SKOR2: variants seen among roughly 807,000 people sequenced by gnomAD.
SKOR2 encodes LBX1 corepressor 1-like protein.
Under a neutral mutation model 69.1 loss-of-function variants are expected in SKOR2, and 47 were observed. That is an observed-to-expected ratio of 0.68 (90% CI 0.54 to 0.87). The LOEUF (loss-of-function observed/expected upper bound fraction) is 0.87, where lower values mean the gene tolerates loss of function less well. SKOR2 is among the 40% of genes least tolerant of loss of function. SKOR2 has a pLI of 0.00. For missense variants in SKOR2, 1,404 were observed against 1,472.2 expected (o/e 0.95, Z 0.76); for synonymous variants, 717 against 672.6 (o/e 1.07, Z -1.02).
intron 4 of SKOR2, 141 bp downstream of exon 4, chr18:47,244,766 AT>A (rs2064263681): frequency 3.1e-6 from 2 of 643,434 alleles, no homozygotes; most frequent in South Asian, 5.3e-5. Flanking sequence ...CTGCTTCCCC[AT>A]TTGTGTTTTT....
chr18:47,218,589 C>CAAAAAAA (rs57860548), intron 7 of SKOR2, among the ~76,000 whole-genome samples: 1,043 of 88,144 alleles, frequency 0.012, 39 homozygotes, highest in African/African-American at 0.044. Context: ...GACCCTGTCT[C>CAAAAAAA]AAAAAAAAAA....
chr18:47,247,394 G>C lies in SKOR2; in HGVS notation c.1790C>G (p.Ser597Cys). ...AAAAGSGPAG[S>C]RVPAPHHPHL... ...CGGATGGTGGGGCGCCGGAACCCGG[G>C]AGCCCGCGGGGCCAGACCCGGCGGC... The change falls in exon 2 of 9, where the codon TCC becomes TGC. Residue 597 changes from serine to cysteine, a missense_variant. Physicochemically the swap from Ser to Cys is moderately radical, Grantham distance 112. Around this residue, in one of 3 missense-constraint regions of SKOR2, gnomAD observed 1,266 missense variants for 1,309.9 expected, o/e 0.97. Coordinates refer to ENST00000425639, the MANE Select transcript of SKOR2 (RefSeq NM_001278063.4). This position sits in a 1 kb window ranked among gnomAD's most constrained non-coding sequence, Gnocchi z 6.6. 2 of 1,384,822 alleles carry C rather than the reference G, an allele frequency of 1.4e-6. No homozygotes were observed. Among genetic ancestry groups the C allele is most frequent in the South Asian group, 3.2e-5 (2 of 63,070 alleles). The allele number at this position is 1,384,822 out of a possible 1,614,324, so 85.8% of individuals were successfully genotyped here.
chr18:47,230,334 G>T, intron 6 of SKOR2, 125 bp downstream of exon 6: 1 of 557,820 alleles, frequency 1.8e-6, no homozygotes, highest in Non-Finnish European at 2.7e-6. Context: ...GAATATTTAG[G>T]CAGACCATGG....
rs531383391 is a variant in SKOR2 at position 47,247,638 on chromosome 18, G to A, written c.1546C>T (p.Pro516Ser). ...LRQAFLDLAE[P>S]GGAAGSAEAA... ...TCGGCGCTCCCAGCAGCACCGCCTGGCTCAGCCAGGTCCAGGAAGGCCTGG... is the reference window on the plus strand; with the variant it reads ...TCGGCGCTCCCAGCAGCACCGCCTGACTCAGCCAGGTCCAGGAAGGCCTGG... The change falls in exon 2 of 9, where the codon CCA becomes TCA. Residue 516 changes from proline to serine, a missense_variant. Coordinates refer to ENST00000425639, the MANE Select transcript of SKOR2 (RefSeq NM_001278063.4). The surrounding 1 kb of genome is among the most constrained non-coding windows in gnomAD (Gnocchi z 6.6). The A allele has an allele frequency of 7.4e-7, 1 of 1,350,130 alleles. No homozygotes were observed. The allele number at this position is 1,350,130 out of a possible 1,614,324, so 83.6% of individuals were successfully genotyped here.
In SKOR2 at chr18:47,247,374, G is replaced by A; in HGVS notation, c.1810C>T (p.His604Tyr). Residue 604 changes from histidine (H) to tyrosine (Y), a missense_variant, in exon 2 of 9, where the codon CAT (histidine) becomes TAT (tyrosine). His to Tyr is a moderately conservative substitution (Grantham distance 83). This residue lies in a region of SKOR2 where 1,266 missense variants were observed against 1,309.9 expected (regional missense o/e 0.97). Transcript: ENST00000425639. This position sits in a 1 kb window ranked among gnomAD's most constrained non-coding sequence, Gnocchi z 6.6. ...TTGCGCCCCTCCAGAAGGTGCGGAT[G>A]GTGGGGCGCCGGAACCCGGGAGCCC... is the stretch of plus-strand genomic sequence containing the variant. Reference protein sequence around the residue: ...PAGSRVPAPHHPHLLEGRKAG... With the variant: ...PAGSRVPAPHYPHLLEGRKAG... 2 of 1,419,050 alleles carry A rather than the reference G, an allele frequency of 1.4e-6. No individual in the cohort carries two copies. Among genetic ancestry groups the A allele is most frequent in the East Asian group, 3.1e-5 (1 of 32,600 alleles). The allele number at this position is 1,419,050 out of a possible 1,614,324, so 87.9% of individuals were successfully genotyped here.
At chr18:47,231,296 G>C in intron 4 of SKOR2, 1 of 900,508 alleles carries the variant, frequency 1.1e-6, no homozygotes, top group Non-Finnish European at 1.7e-6. Flanking sequence ...TACAAGGAAG[G>C]AAATTGCTAG....
chr18:47,235,928 C>T (rs2064221383), intron 4 of SKOR2, among the ~76,000 whole-genome samples: 3 of 152,140 alleles, frequency 2.0e-5, no homozygotes. Context: ...AGACTCCATT[C>T]TAAAGTTCTC....
Position 47,247,539 on chromosome 18 carries a change from C to T in SKOR2, c.1645G>A (p.Gly549Arg), listed in dbSNP as rs913239603. The change falls in exon 2 of 9, where the codon GGG becomes AGG. Residue 549 changes from glycine to arginine, a missense_variant. By Grantham distance (125) the Gly-to-Arg change is moderately radical. Around this residue, in one of 3 missense-constraint regions of SKOR2, gnomAD observed 1,266 missense variants for 1,309.9 expected, o/e 0.97. Transcript: ENST00000425639. The surrounding 1 kb of genome is among the most constrained non-coding windows in gnomAD (Gnocchi z 6.6). ...AGCGCGTCGCGAGAGCCGGCGCCCC[C>T]GGCAGGAGGAGGTGGGCCGGAGCCC... ...GPGSGPPPPA[G>R]GAGSRDALFE... The T allele has an allele frequency of 4.1e-6, 5 of 1,218,294 alleles. No individual in the cohort carries two copies. The African/African-American group carries it at 4.7e-5, about 12-fold the overall frequency. The allele number at this position is 1,218,294 out of a possible 1,614,324, so 75.5% of individuals were successfully genotyped here.
At chr18:47,237,519 C>T (rs72913187) in intron 4 of SKOR2, among the ~76,000 whole-genome samples, 1,867 of 152,284 alleles carry the variant, frequency 0.012, 25 homozygotes, top group Non-Finnish European at 0.019. Flanking sequence ...AAGCTGAACT[C>T]TGAATTCAAT....
At chr18:47,238,362 A>G (rs1217533285) in intron 4 of SKOR2, among the ~76,000 whole-genome samples, 2 of 123,104 alleles carry the variant, frequency 1.6e-5, no homozygotes, top group African/African-American at 6.4e-5. Context: ...TTGCTCTGTC[A>G]CCCAGGCTGG....
intron 6 of SKOR2, among the ~76,000 whole-genome samples, chr18:47,227,670 C>T (rs1362684806): frequency 2.0e-5 from 3 of 152,308 alleles, no homozygotes; most frequent in Admixed American, 6.5e-5. Flanking sequence ...AAATGCTTTT[C>T]TAGAGCTCAG....
In SKOR2 at chr18:47,248,998, C is replaced by T; in HGVS notation, c.186G>A (p.Leu62=). 1 of 1,557,598 alleles carries T rather than the reference C, an allele frequency of 6.4e-7. No homozygotes were observed. Among genetic ancestry groups the T allele is most frequent in the Non-Finnish European group, 8.6e-7 (1 of 1,158,274 alleles). ...GAGTGTTGGAGATCTGCGCCAGGCA[C>T]AGGCGCTCTTGCCCGTCGATCACCA... is the stretch of plus-strand genomic sequence containing the variant. ...VSLVIDGQER[L]CLAQISNTLL... is the part of the protein sequence containing the mutation. Residue 62 remains leucine, a synonymous_variant, in exon 2 of 9, where the codon CTG becomes CTA. Transcript: ENST00000425639. This position sits in a 1 kb window ranked among gnomAD's most constrained non-coding sequence, Gnocchi z 6.4.
Position 47,247,382 on chromosome 18 carries a change from G to T in SKOR2, c.1802C>A (p.Ala601Glu). Residue 601 changes from alanine (A) to glutamate (E), a missense_variant, in exon 2 of 9, where the codon GCG becomes GAG. By Grantham distance (107) the Ala-to-Glu change is moderately radical. Around this residue, in one of 3 missense-constraint regions of SKOR2, gnomAD observed 1,266 missense variants for 1,309.9 expected, o/e 0.97. Coordinates refer to ENST00000425639, the MANE Select transcript of SKOR2 (RefSeq NM_001278063.4). The surrounding 1 kb of genome is among the most constrained non-coding windows in gnomAD (Gnocchi z 6.6). ...GSGPAGSRVP[A>E]PHHPHLLEGR... ...CTCCAGAAGGTGCGGATGGTGGGGCGCCGGAACCCGGGAGCCCGCGGGGCC... is the reference window on the plus strand; with the variant it reads ...CTCCAGAAGGTGCGGATGGTGGGGCTCCGGAACCCGGGAGCCCGCGGGGCC... 2.1e-6 allele frequency: 3 copies of T among 1,403,880 alleles called. No homozygotes were observed. The highest frequency in any genetic ancestry group is 2.8e-6 in the Non-Finnish European group (3 of 1,080,612). 87.0% of individuals were successfully genotyped at this position (1,403,880 alleles called of 1,614,324 possible).
intron 4 of SKOR2, among the ~76,000 whole-genome samples, chr18:47,231,931 A>G (rs1339167299): frequency 6.6e-6 from 1 of 151,924 alleles, no homozygotes; most frequent in Non-Finnish European, 1.5e-5. Context: ...GCTTGAGGCC[A>G]GGAGTTCGAG....
intron 7 of SKOR2, among the ~76,000 whole-genome samples, chr18:47,215,705 C>T (rs964128350): frequency 2.6e-5 from 4 of 152,050 alleles, no homozygotes; most frequent in Non-Finnish European, 5.9e-5. Flanking sequence ...CCCCTAGCTG[C>T]GTGTGACTGC....
At chr18:47,232,423 A>G (rs1375193951) in intron 4 of SKOR2, among the ~76,000 whole-genome samples, 1 of 152,224 alleles carries the variant, frequency 6.6e-6, no homozygotes, top group African/African-American at 2.4e-5. Context: ...CATTCAGGCA[A>G]TCAGAATTTT....
Position 47,230,518 on chromosome 18 carries a change from C to A in SKOR2, c.2858G>T (p.Arg953Leu). The A allele has an allele frequency of 6.9e-7, 1 of 1,440,324 alleles. No individual in the cohort carries two copies. Among genetic ancestry groups the A allele is most frequent in the South Asian group, 1.6e-5 (1 of 64,096 alleles). The allele number at this position is 1,440,324 out of a possible 1,614,324, so 89.2% of individuals were successfully genotyped here. Residue 953 changes from arginine to leucine, a missense_variant, in exon 6 of 9, where the codon CGG (arginine) becomes CTG (leucine). This residue lies in a region of SKOR2 where 1,266 missense variants were observed against 1,309.9 expected (regional missense o/e 0.97). Coordinates refer to ENST00000425639, the MANE Select transcript of SKOR2 (RefSeq NM_001278063.4). ...QKVLFEQIDL[R>L]RRLEQEFQVL... The stretch of plus-strand genomic sequence containing the variant: ...CTGGAATTCTTGTTCCAGTCGTCTC[C>A]GTAAATCTATTTGTTCAAATAAAAC...
Position 47,248,678 on chromosome 18 carries a change from G to A in SKOR2, c.506C>T (p.Ala169Val). 6.4e-7 allele frequency: 1 copy of A among 1,566,658 alleles called. No individual in the cohort carries two copies. Among genetic ancestry groups the A allele is most frequent in the Non-Finnish European group, 8.6e-7 (1 of 1,162,126 alleles). ...GCAGTAGCTGCATTTGATGCACTTGGCGCGCGAGCTGTTGTAGCGCGCGGG... is the reference window on the plus strand; with the variant it reads ...GCAGTAGCTGCATTTGATGCACTTGACGCGCGAGCTGTTGTAGCGCGCGGG... ...FIPARYNSSR[A>V]KCIKCSYCNM... Residue 169 changes from alanine to valine, a missense_variant, in exon 2 of 9, where the codon GCC becomes GTC. By Grantham distance (64) the Ala-to-Val change is moderately conservative. Coordinates refer to ENST00000425639, the MANE Select transcript of SKOR2 (RefSeq NM_001278063.4). This position sits in a 1 kb window ranked among gnomAD's most constrained non-coding sequence, Gnocchi z 6.4.
At chr18:47,242,260 A>G (rs1215420132) in intron 4 of SKOR2, among the ~76,000 whole-genome samples, 1 of 152,164 alleles carries the variant, frequency 6.6e-6, no homozygotes, top group Non-Finnish European at 1.5e-5. Flanking sequence ...TTTAACAAAT[A>G]TACAGAGACT....
Sources: gnomAD v4.1 joint callset for allele counts (sites outside exome capture counted in the v4.1 genomes callset) on GRCh38, gnomAD v4.1.1 for gene constraint, gnomAD v4.1.1 regional missense constraint, Gnocchi (gnomAD v3.1) non-coding constraint, MANE v1.5 for transcripts, NCBI Gene and HGNC (gene_info 2026-07-23, HGNC 2026-07-21) for gene names.